BRINP1: variants seen among roughly 807,000 people sequenced by gnomAD.
BRINP1 encodes the protein BMP/retinoic acid inducible neural specific 1.
In BRINP1, 17 loss-of-function variants were observed where a neutral mutation model predicts 72.9. The observed-to-expected ratio is 0.23, with a 90% CI of 0.16 to 0.35. The LOEUF is 0.35. Ranked by LOEUF, BRINP1 falls within the 10% of genes least tolerant of loss-of-function variation. BRINP1 has a pLI of 1.00. For synonymous variants in BRINP1, 418 were observed against 378.5 expected, an observed-to-expected ratio of 1.10 and a Z score of -1.21; for missense variants, 850 against 1,001.6, an observed-to-expected ratio of 0.85 and a Z score of 2.04.
At chr9:119,193,566 G>A (rs230088) in intron 7 of BRINP1, among the ~76,000 whole-genome samples, 44,012 of 152,004 alleles carry the variant, frequency 0.29, 8,677 homozygotes, top group African/African-American at 0.57. Context: ...CTTGTAACAG[G>A]AAAGTAACTA....
chr9:119,243,141 G>T (rs574926324), intron 3 of BRINP1, among the ~76,000 whole-genome samples: 1 of 152,148 alleles, frequency 6.6e-6, no homozygotes, highest in South Asian at 2.1e-4. Context: ...ATGGTGGTTT[G>T]CTGCACCTAT....
At chr9:119,198,526 T>C (rs980892094) in intron 7 of BRINP1, among the ~76,000 whole-genome samples, 1 of 152,182 alleles carries the variant, frequency 6.6e-6, no homozygotes, top group Admixed American at 6.5e-5. Flanking sequence ...TTTTTCTTTA[T>C]TATATGATTA....
intron 7 of BRINP1, among the ~76,000 whole-genome samples, chr9:119,200,279 G>A (rs1395297973): frequency 6.6e-6 from 1 of 152,122 alleles, no homozygotes; most frequent in East Asian, 1.9e-4. Flanking sequence ...ATGTATGTGT[G>A]CGCTGATAGT....
intron 1 of BRINP1, among the ~76,000 whole-genome samples, chr9:119,354,472 T>G (rs1353156106): frequency 6.6e-6 from 1 of 152,174 alleles, no homozygotes; most frequent in Non-Finnish European, 1.5e-5. Flanking sequence ...TCCCTGCTTT[T>G]GTGGTGGGCT....
chr9:119,358,666 CG>C (rs1397948992), intron 1 of BRINP1, among the ~76,000 whole-genome samples: 1 of 151,830 alleles, frequency 6.6e-6, no homozygotes, highest in Non-Finnish European at 1.5e-5. Context: ...TGCACTCCAG[CG>C]TGGGCGACAG....
chr9:119,213,932 G>T lies in BRINP1; in HGVS notation c.909C>A (p.Asp303Glu). ...GAGACTCTCTACCTGAATTCTCCAG[G>T]TCCTTATAAGCTTCGGCCCAAGACT... is the stretch of plus-strand genomic sequence containing the variant. ...MAKSWAEAYK[D>E]LENSDEFKSF... Residue 303 changes from aspartate (D) to glutamate (E), a missense_variant, in exon 6 of 8, where the codon GAC becomes GAA. Coordinates refer to ENST00000265922, the MANE Select transcript of BRINP1 (RefSeq NM_014618.3). 6.2e-7 allele frequency: 1 copy of T among 1,613,974 alleles called. No individual in the cohort carries two copies. The highest frequency in any genetic ancestry group is 1.1e-5 in the South Asian group (1 of 91,076).
In BRINP1 at chr9:119,348,314, G is replaced by C. The variant is rs183415444; in HGVS notation, c.-51+20742C>G. ...TGATAGCTCATTTCTTCTTAGCTCT[G>C]AATAATATCCCCTTGTCTAGATATC... On this transcript the variant is annotated intron_variant, in intron 1 of 7. Coordinates refer to ENST00000265922, the MANE Select transcript of BRINP1 (RefSeq NM_014618.3). Among the ~76,000 whole-genome samples the C allele has an allele frequency of 3.2e-3, 485 of 152,202 alleles. 3 individuals carry two copies. Among genetic ancestry groups the C allele is most frequent in the Non-Finnish European group, 5.1e-3 (345 of 68,008 alleles).
At chr9:119,297,536 T>C (rs1178100105) in intron 2 of BRINP1, among the ~76,000 whole-genome samples, 1 of 152,256 alleles carries the variant, frequency 6.6e-6, no homozygotes, top group African/African-American at 2.4e-5. Context: ...AGGGTTGCAC[T>C]CAAGTATAAA....
chr9:119,233,455 A>G (rs760100667), intron 5 of BRINP1, among the ~76,000 whole-genome samples: 11 of 152,216 alleles, frequency 7.2e-5, no homozygotes, highest in Non-Finnish European at 1.6e-4. Flanking sequence ...TCTCTGGCAT[A>G]TGAGGAAGCA....
chr9:119,291,977 A>C lies in BRINP1; in HGVS notation c.218+21161T>G, dbSNP rs112550064. ...TCAGTCTTCTAATTTTAAGAAAACA[A>C]TCTTAGAAAAAAAATACTTTATTCC... is the stretch of plus-strand genomic sequence containing the variant. On this transcript the variant is annotated intron_variant, in intron 2 of 7. Transcript: ENST00000265922. Among the ~76,000 whole-genome samples, 628 of 152,324 alleles carry C rather than the reference A, an allele frequency of 4.1e-3. 5 individuals carry two copies. Among genetic ancestry groups the C allele is most frequent in the African/African-American group, 0.015 (611 of 41,566 alleles).
At chr9:119,306,269 T>C (rs1830997474) in intron 2 of BRINP1, among the ~76,000 whole-genome samples, 1 of 152,242 alleles carries the variant, frequency 6.6e-6, no homozygotes, top group Non-Finnish European at 1.5e-5. Context: ...AAAGCTATCA[T>C]TTTTAGAATT....
intron 7 of BRINP1, among the ~76,000 whole-genome samples, chr9:119,180,740 T>C (rs1046290418): frequency 8.5e-5 from 13 of 152,296 alleles, no homozygotes; most frequent in African/African-American, 3.1e-4. Context: ...TTTTTCCTTC[T>C]CTCAGTTCTT....
rs928669290 is a variant in BRINP1 at position 119,258,685 on chromosome 9, C to G, written c.219-9535G>C. On this transcript the variant is annotated intron_variant, in intron 2 of 7. Transcript: ENST00000265922. ...GCAAGAGGGACTAGGAAATAAGTTC[C>G]TCACCTTAGATTCCGTGTTCTCTAC... is the stretch of plus-strand genomic sequence containing the variant. Among the ~76,000 whole-genome samples, 7 of 152,298 alleles carry G rather than the reference C, an allele frequency of 4.6e-5. No individual in the cohort carries two copies. The East Asian group carries it at 1.4e-3, about 29-fold the overall frequency.
chr9:119,231,010 C>T (rs1006873007), intron 5 of BRINP1, among the ~76,000 whole-genome samples: 2 of 151,980 alleles, frequency 1.3e-5, no homozygotes, highest in African/African-American at 4.8e-5. Context: ...GGGGAAATAC[C>T]TTATGACATT....
At chr9:119,363,294 G>T (rs1456036860) in intron 1 of BRINP1, among the ~76,000 whole-genome samples, 2 of 152,062 alleles carry the variant, frequency 1.3e-5, no homozygotes, top group African/African-American at 4.8e-5. Flanking sequence ...TAGAAATGGG[G>T]TCTTGTTATG....
At chr9:119,267,199 A>G (rs1381785000) in intron 2 of BRINP1, among the ~76,000 whole-genome samples, 1 of 152,242 alleles carries the variant, frequency 6.6e-6, no homozygotes, top group Non-Finnish European at 1.5e-5. Flanking sequence ...TGAAAGAAAA[A>G]GAAGAATCAT....
intron 5 of BRINP1, among the ~76,000 whole-genome samples, chr9:119,231,535 A>C (rs1278230793): frequency 6.6e-6 from 1 of 152,134 alleles, no homozygotes; most frequent in Non-Finnish European, 1.5e-5. Flanking sequence ...ACTACTCTGT[A>C]GAGTTTGCCC....
intron 1 of BRINP1, among the ~76,000 whole-genome samples, chr9:119,365,874 C>A (rs1447686012): frequency 1.3e-5 from 2 of 151,980 alleles, no homozygotes; most frequent in South Asian, 4.2e-4. Context: ...GCCATCTAGC[C>A]CCGGAAAATC....
intron 7 of BRINP1, among the ~76,000 whole-genome samples, chr9:119,195,743 C>T (rs1263890189): frequency 1.3e-5 from 2 of 152,172 alleles, no homozygotes; most frequent in African/African-American, 4.8e-5. Flanking sequence ...TTAGCATCTG[C>T]TTAAGCAGAA....
Sources: gnomAD v4.1 joint callset for allele counts (sites outside exome capture counted in the v4.1 genomes callset) on GRCh38, gnomAD v4.1.1 for gene constraint, MANE v1.5 for transcripts, NCBI Gene and HGNC (gene_info 2026-07-23, HGNC 2026-07-21) for gene names.